The following TUBGCP2 variants were observed in gnomAD, a reference collection of about 807,000 sequenced individuals.
The protein encoded by TUBGCP2 is tubulin gamma complex component 2, also known as gamma-tubulin complex component 2.
A neutral mutation model predicts 92.2 loss-of-function variants in TUBGCP2; 55 were observed. That is an observed-to-expected ratio of 0.60 (90% CI 0.48 to 0.75). The LOEUF (loss-of-function observed/expected upper bound fraction) is 0.75. Ranked by LOEUF, TUBGCP2 falls within the 30% of genes least tolerant of loss-of-function variation. The pLI, the probability that TUBGCP2 is intolerant of heterozygous loss-of-function variation, is 0.00. For synonymous variants in TUBGCP2, 533 were observed against 505.2 expected (o/e 1.06, Z -0.74); for missense variants, 1,093 against 1,188.9 (o/e 0.92, Z 1.19).
Position 133,279,827 on chromosome 10 carries a change from T to A in TUBGCP2, c.2648A>T (p.Gln883Leu). ...SAERSQKATP[Q>L]VPVLRGPPAP... The stretch of plus-strand genomic sequence containing the variant: ...CGGGGGCCCCCGCAGGACAGGCACT[T>A]GGGGGGTGGCCTTCTGGCTCCTCTC... Residue 883 changes from glutamine (Q) to leucine (L), a missense_variant, in exon 18 of 18, where the codon CAA becomes CTA. Physicochemically the swap from Gln to Leu is moderately radical, Grantham distance 113 (BLOSUM62 -2). Transcript: ENST00000252936. 1 of 1,594,634 alleles carries A rather than the reference T, an allele frequency of 6.3e-7. No individual in the cohort carries two copies. The highest frequency in any genetic ancestry group is 1.1e-5 in the South Asian group (1 of 88,452).
At chr10:133,280,262 C>G (rs1185821154) in intron 17 of TUBGCP2, among the ~76,000 whole-genome samples, 1 of 152,226 alleles carries the variant, frequency 6.6e-6, no homozygotes, top group Non-Finnish European at 1.5e-5. Flanking sequence ...AAAGTTGGGG[C>G]TCCCATCACC....
At chr10:133,295,851 C>T (rs143132306) in intron 5 of TUBGCP2, 15 of 152,692 alleles carry the variant, frequency 9.8e-5, no homozygotes, top group Non-Finnish European at 1.9e-4. Flanking sequence ...CTGGTCAAAT[C>T]GTGGGGTGAG....
upstream of TUBGCP2, chr10:133,310,208 C>T: frequency 6.2e-7 from 1 of 1,614,054 alleles, no homozygotes; most frequent in Non-Finnish European, 8.5e-7. Context: ...TCAAGACCAG[C>T]AGAGACCGGA....
chr10:133,306,896 C>A (rs1206499266), intron 1 of TUBGCP2, among the ~76,000 whole-genome samples: 1 of 152,228 alleles, frequency 6.6e-6, no homozygotes, highest in Non-Finnish European at 1.5e-5. Context: ...CCATGAGGAG[C>A]CTGCTGCTCT....
chr10:133,293,743 A>T lies in TUBGCP2; in HGVS notation c.643T>A (p.Ser215Thr). 1 of 1,596,272 alleles carries T rather than the reference A, an allele frequency of 6.3e-7. No individual in the cohort carries two copies. The highest frequency in any genetic ancestry group is 1.3e-5 in the African/African-American group (1 of 74,634). Reference protein sequence around the residue: ...IGTLPLASQESAVVEDLLYVL... With the variant: ...IGTLPLASQETAVVEDLLYVL... ...TACAGCAGGTCCTCCACCACGGCCG[A>T]CTCCTGCGAGGCCAGGGGCAACGTG... The change falls in exon 6 of 18, where the codon TCG becomes ACG. Residue 215 changes from serine (S) to threonine (T), a missense_variant. This residue lies in a region of TUBGCP2 where 490 missense variants were observed against 488.5 expected (regional missense o/e 1.00). Transcript: ENST00000252936.
In TUBGCP2 at chr10:133,289,843, C is replaced by G. The variant is rs776560821; in HGVS notation, c.1341G>C (p.Ala447=). ...QQIPSFLQKM[A]DKILSTGKYL... ...CCGCACCTGTGCTGAGGATCTTGTC[C>G]GCCATTTTCTGCAGGAAGGACGGGA... The change falls in exon 9 of 18, where the codon GCG becomes GCC. Residue 447 remains alanine (A), a synonymous_variant. Transcript: ENST00000252936. The G allele has an allele frequency of 1.2e-5, 8 of 643,756 alleles. No homozygotes were observed. The highest frequency in any genetic ancestry group is 1.7e-5 in the Non-Finnish European group (8 of 475,870). 39.9% of individuals were successfully genotyped at this position (643,756 alleles called of 1,614,324 possible). A position where few individuals can be genotyped will look rare whatever the true frequency, so the allele number is the denominator to read the frequency against.
In TUBGCP2 at chr10:133,285,185, A is replaced by G; in HGVS notation, c.1924T>C (p.Phe642Leu). 1.2e-6 allele frequency: 2 copies of G among 1,613,310 alleles called. No homozygotes were observed. The highest frequency in any genetic ancestry group is 1.7e-6 in the Non-Finnish European group (2 of 1,180,006). Residue 642 changes from phenylalanine (F) to leucine (L), a missense_variant, in exon 13 of 18, where the codon TTC (phenylalanine) becomes CTC (leucine). Phe to Leu is a conservative substitution (Grantham distance 22, BLOSUM62 0). Coordinates refer to ENST00000252936, the MANE Select transcript of TUBGCP2 (RefSeq NM_006659.4). This position sits in a 1 kb window ranked among gnomAD's most constrained non-coding sequence, Gnocchi z 6.8. Reference sequence around the variant, plus strand: ...TGCTTGCAGTAGAACATGTGCCTGAAGAGCATCTGGTAGCGAGTGAGGGCT... The same window carrying G: ...TGCTTGCAGTAGAACATGTGCCTGAGGAGCATCTGGTAGCGAGTGAGGGCT... ...RKALTRYQML[F>L]RHMFYCKHVE...
intron 2 of TUBGCP2, 168 bp downstream of exon 2, chr10:133,302,624 G>A: frequency 1.3e-6 from 1 of 751,864 alleles, no homozygotes; most frequent in Non-Finnish European, 2.1e-6. Context: ...TGACCCAGGG[G>A]TGGGCTCACC....
chr10:133,280,620 G>A (rs1846942873), intron 17 of TUBGCP2, among the ~76,000 whole-genome samples: 1 of 152,228 alleles, frequency 6.6e-6, no homozygotes, highest in African/African-American at 2.4e-5. Flanking sequence ...CACACCCCAG[G>A]GAGAGCTGGG....
chr10:133,301,026 T>A (rs1366585936), intron 2 of TUBGCP2, among the ~76,000 whole-genome samples: 5 of 152,246 alleles, frequency 3.3e-5, no homozygotes, highest in African/African-American at 1.2e-4. Flanking sequence ...AGTTTATGCG[T>A]TCATTGTCTG....
chr10:133,303,116 C>G (rs9419045), intron 1 of TUBGCP2, 136 bp from the exon 2 acceptor site: 1 of 685,044 alleles, frequency 1.5e-6, no homozygotes, highest in South Asian at 1.9e-5. Flanking sequence ...TAGGGCCCCT[C>G]CCCCAACAGC....
chr10:133,293,914 A>C, intron 5 of TUBGCP2, 145 bp from the exon 6 acceptor site: 1 of 862,728 alleles, frequency 1.2e-6, no homozygotes, highest in Non-Finnish European at 1.8e-6. Flanking sequence ...GCTTTGACTG[A>C]CCCCACTGGG....
intron 1 of TUBGCP2, among the ~76,000 whole-genome samples, chr10:133,305,867 G>A (rs748036551): frequency 7.9e-5 from 12 of 152,210 alleles, no homozygotes; most frequent in Non-Finnish European, 1.5e-4. Context: ...AGCAGGGCAC[G>A]CGCCATGGAG....
upstream of TUBGCP2, chr10:133,310,366 G>T (rs541557011): frequency 1.3e-6 from 2 of 1,574,532 alleles, no homozygotes; most frequent in Non-Finnish European, 1.7e-6. Context: ...ATGCATAGAC[G>T]GTCAGACTTA....
Position 133,293,828 on chromosome 10 carries a change from C to T in TUBGCP2, c.617-59G>A, listed in dbSNP as rs1391938767. 4.7e-6 allele frequency: 7 copies of T among 1,481,610 alleles called. No individual in the cohort carries two copies. The African/African-American group carries it at 5.6e-5, about 12-fold the overall frequency. 91.8% of individuals were successfully genotyped at this position (1,481,610 alleles called of 1,614,324 possible). ...CCCCACTCCCATGCCCCCACAGCCA[C>T]GTGCCCTCATCTGCGGGTCAGTCTC... On this transcript the variant is annotated intron_variant, in intron 5 of 17. Coordinates refer to ENST00000252936, the MANE Select transcript of TUBGCP2 (RefSeq NM_006659.4).
At chr10:133,281,535 C>T in intron 16 of TUBGCP2, 99 bp from the exon 17 acceptor site, 1 of 1,419,374 alleles carries the variant, frequency 7.0e-7, no homozygotes, top group African/African-American at 1.4e-5. Context: ...TTCCCTTCCC[C>T]TTTTCTTAAA....
intron 13 of TUBGCP2, 41 bp from the exon 14 acceptor site, chr10:133,284,043 G>A (rs772857072): frequency 1.3e-5 from 20 of 1,599,982 alleles, no homozygotes; most frequent in South Asian, 4.4e-5. Flanking sequence ...TGGAGGACGC[G>A]GCCCCGACAG....
rs890720481 is a variant in TUBGCP2, at chr10:133,300,331, T to G, written c.151-218A>C. On this transcript the variant is annotated intron_variant, in intron 2 of 17. Transcript: ENST00000252936. ...TGGCTCATGACTGTAATCCCAGCAC[T>G]TTGGGAGGCCGAGGCTGGTAGACTG... is the stretch of plus-strand genomic sequence containing the variant. 8 of 490,738 alleles carry G rather than the reference T, an allele frequency of 1.6e-5. No homozygotes were observed. The Admixed American group carries it at 1.8e-4, about 11-fold the overall frequency. 30.4% of individuals were successfully genotyped at this position (490,738 alleles called of 1,614,324 possible).
rs373972040 is a variant in TUBGCP2, at chr10:133,283,097, A to T, written c.2270T>A (p.Met757Lys). 2 of 1,614,052 alleles carry T rather than the reference A, an allele frequency of 1.2e-6. No homozygotes were observed. The highest frequency in any genetic ancestry group is 1.3e-5 in the African/African-American group (1 of 74,934). Residue 757 changes from methionine to lysine, a missense_variant, in exon 15 of 18, where the codon ATG becomes AAG. By Grantham distance (95) the Met-to-Lys change is moderately conservative. Coordinates refer to ENST00000252936, the MANE Select transcript of TUBGCP2 (RefSeq NM_006659.4). ...VFSKLMSVCVMFTNCMQKFTQ... is the reference protein window; with the variant it reads ...VFSKLMSVCVKFTNCMQKFTQ... Reference sequence around the variant, plus strand: ...ACGCACCTGCATGCAGTTGGTGAACATGACGCACACAGACATGAGCTTGGA... The same window carrying T: ...ACGCACCTGCATGCAGTTGGTGAACTTGACGCACACAGACATGAGCTTGGA...
Sources: allele counts gnomAD v4.1 joint callset (sites outside exome capture counted in the v4.1 genomes callset), GRCh38; gene constraint gnomAD v4.1.1; regional missense constraint gnomAD v4.1.1; non-coding constraint Gnocchi (gnomAD v3.1); transcripts MANE v1.5; gene names NCBI Gene and HGNC (gene_info 2026-07-23, HGNC 2026-07-21).